Variants in TTN observed in about 807,000 individuals in gnomAD.
The protein encoded by TTN is connectin.
In TTN, 1,525 loss-of-function variants were observed where a neutral mutation model predicts 3,223.0. The observed-to-expected ratio is 0.47, with a 90% confidence interval of 0.45 to 0.49. The LOEUF (loss-of-function observed/expected upper bound fraction) is 0.49. TTN is among the 20% of genes least tolerant of loss of function. TTN has a pLI of 0.00. For missense variants in TTN, 40,786 were observed against 43,424.0 expected (o/e 0.94, Z 5.40); for synonymous variants, 14,094 against 15,161.0 (o/e 0.93, Z 5.17).
chr2:178,570,817 C>G lies in TTN; in HGVS notation c.75315G>C (p.Glu25105Asp). The G allele has an allele frequency of 6.2e-7, 1 of 1,613,480 alleles. No homozygotes were observed. Among genetic ancestry groups the G allele is most frequent in the Non-Finnish European group, 8.5e-7 (1 of 1,179,604 alleles). Residue 25105 changes from glutamate (E) to aspartate (D), a missense_variant, in exon 326 of 363, where the codon GAG becomes GAC. Coordinates refer to ENST00000589042, the MANE Select transcript of TTN (RefSeq NM_001267550.2). Reference sequence around the variant, plus strand: ...CCATACTTATTCGTGGTGGATCTACCTCATCTCTAGCTGTTATTGCTCCTG... The same window carrying G: ...CCATACTTATTCGTGGTGGATCTACGTCATCTCTAGCTGTTATTGCTCCTG... ...ESTGAITARD[E>D]VDPPRISMDP...
Position 178,526,841 on chromosome 2 carries a change from A to T in TTN, c.*171T>A. 1.7e-6 allele frequency: 1 copy of T among 589,296 alleles called. No individual in the cohort carries two copies. The highest frequency in any genetic ancestry group is 2.9e-6 in the Non-Finnish European group (1 of 349,280). The allele number at this position is 589,296 out of a possible 1,614,324, so 36.5% of individuals were successfully genotyped here. ...TCACTAGCAAATGTATTATATTCTT[A>T]GGTCAACAATTATGAAAAGATTGAA... On this transcript the variant is annotated 3_prime_UTR_variant, in exon 363 of 363. Coordinates refer to ENST00000589042, the MANE Select transcript of TTN (RefSeq NM_001267550.2).
rs2093406180 is a variant in TTN, at chr2:178,790,023, T to A, written c.1893A>T (p.Glu631Asp). The stretch of plus-strand genomic sequence containing the variant: ...CTTGTTCTCTTTTGGTAGTAATGCC[T>A]TCTCTACCTCTTGATACTAAATCTT... ...KEQDLVSRGR[E>D]GITTKREQVQ... Residue 631 changes from glutamate (E) to aspartate (D), a missense_variant, in exon 12 of 363, where the codon GAA (glutamate) becomes GAT (aspartate). Glu to Asp is a conservative substitution (Grantham distance 45). Coordinates refer to ENST00000589042, the MANE Select transcript of TTN (RefSeq NM_001267550.2). 1 of 1,613,268 alleles carries A rather than the reference T, an allele frequency of 6.2e-7. No individual in the cohort carries two copies. Among genetic ancestry groups the A allele is most frequent in the Non-Finnish European group, 8.5e-7 (1 of 1,179,474 alleles).
At position 178,532,925 on chromosome 2, in the gene TTN, G is replaced by A; in HGVS notation, c.103690C>T (p.Pro34564Ser). ...TTATACCACTTCATGTCAGACATGG[G>A]CACGAACTGCTTGATGCGTTGGTCT... is the stretch of plus-strand genomic sequence containing the variant. ...EEDQRIKQFV[P>S]MSDMKWYKKI... The change falls in exon 358 of 363, where the codon CCC becomes TCC. Residue 34564 changes from proline to serine, a missense_variant. Pro to Ser is a moderately conservative substitution (Grantham distance 74). Coordinates refer to ENST00000589042, the MANE Select transcript of TTN (RefSeq NM_001267550.2). 1 of 1,613,884 alleles carries A rather than the reference G, an allele frequency of 6.2e-7. No homozygotes were observed. The highest frequency in any genetic ancestry group is 1.1e-5 in the South Asian group (1 of 91,074).
Position 178,769,550 on chromosome 2 carries a change from C to T in TTN, c.8902+129G>A, listed in dbSNP as rs770959318. ...AAGTGCTGGGATTACAGGCTTGAGC[C>T]ACCCTGCCCACCCAATCAAGGATTT... is the stretch of plus-strand genomic sequence containing the variant. On this transcript the variant is annotated intron_variant, in intron 37 of 362. Coordinates refer to ENST00000589042, the MANE Select transcript of TTN (RefSeq NM_001267550.2). 147 of 749,194 alleles carry T rather than the reference C, an allele frequency of 2.0e-4. 2 individuals are homozygous for T. The highest frequency in any genetic ancestry group is 1.4e-4 in the Admixed American group (4 of 27,644). 46.4% of individuals were successfully genotyped at this position (749,194 alleles called of 1,614,324 possible).
chr2:178,571,414 G>A lies in TTN; in HGVS notation c.74718C>T (p.Phe24906=). The A allele has an allele frequency of 1.9e-6, 3 of 1,613,406 alleles. No individual in the cohort carries two copies. The highest frequency in any genetic ancestry group is 2.5e-6 in the Non-Finnish European group (3 of 1,179,580). Residue 24906 remains phenylalanine (F), a synonymous_variant, in exon 326 of 363, where the codon TTC becomes TTT. Transcript: ENST00000589042. ...NSEPTVAQYP[F]KVPGPPGTPV... ...GAGTGCCAGGAGGACCAGGAACTTT[G>A]AATGGATATTGGGCTACAGTAGGCT...
chr2:178,530,558 C>G lies in TTN; in HGVS notation c.106057G>C (p.Asp35353His), dbSNP rs780037060. The stretch of plus-strand genomic sequence containing the variant: ...ATCTCACAAACATATTCTCCTTGAT[C>G]AGATTCAGTGAGGTTATTGATTTTG... ...ELKINNLTES[D>H]QGEYVCEISG... The change falls in exon 358 of 363, where the codon GAT becomes CAT. Residue 35353 changes from aspartate (D) to histidine (H), a missense_variant. Transcript: ENST00000589042. 1 of 1,613,984 alleles carries G rather than the reference C, an allele frequency of 6.2e-7. No individual in the cohort carries two copies. The highest frequency in any genetic ancestry group is 1.1e-5 in the South Asian group (1 of 91,080).
intron 88 of TTN, 122 bp downstream of exon 88, chr2:178,716,973 G>T: frequency 1.8e-6 from 2 of 1,099,220 alleles, no homozygotes; most frequent in Non-Finnish European, 2.5e-6. Context: ...TGATCCACTT[G>T]ATCCATTTTC....
Position 178,784,156 on chromosome 2 carries a change from C to G in TTN, c.2689G>C (p.Glu897Gln), listed in dbSNP as rs556756328. The G allele has an allele frequency of 1.2e-6, 2 of 1,614,150 alleles. No homozygotes were observed. The highest frequency in any genetic ancestry group is 2.2e-5 in the South Asian group (2 of 91,080). The change falls in exon 16 of 363, where the codon GAG (glutamate) becomes CAG (glutamine). Residue 897 changes from glutamate to glutamine, a missense_variant. Glu to Gln is a conservative substitution (Grantham distance 29). Transcript: ENST00000589042. ...PDTYKSEAGVEVKKEVGVSIT... is the reference protein window; with the variant it reads ...PDTYKSEAGVQVKKEVGVSIT... ...CTCACCCCTACTTCCTTTTTCACCT[C>G]AACGCCAGCTTCACTCTTGTAAGTA...
At chr2:178,625,142 T>C in intron 241 of TTN, 131 bp downstream of exon 241, 2 of 1,321,498 alleles carry the variant, frequency 1.5e-6, no homozygotes, top group South Asian at 1.5e-5. Flanking sequence ...TGCTAAAAAG[T>C]AAAATCAGAC....
rs139894068 is a variant in TTN at position 178,532,511 on chromosome 2, G to T, written c.104104C>A (p.His34702Asn). 1 of 1,614,028 alleles carries T rather than the reference G, an allele frequency of 6.2e-7. No individual in the cohort carries two copies. The highest frequency in any genetic ancestry group is 8.5e-7 in the Non-Finnish European group (1 of 1,179,882). Reference sequence around the variant, plus strand: ...TAACGTAGGCTAGAAAGCTCAAAGTGTGGAGGGCTTCGACTTGGGGGTGAA... The same window carrying T: ...TAACGTAGGCTAGAAAGCTCAAAGTTTGGAGGGCTTCGACTTGGGGGTGAA... ...SASPPSRSPPHFELSSLRYSS... is the reference protein window; with the variant it reads ...SASPPSRSPPNFELSSLRYSS... The change falls in exon 358 of 363, where the codon CAC becomes AAC. Residue 34702 changes from histidine (H) to asparagine (N), a missense_variant. Physicochemically the swap from His to Asn is moderately conservative, Grantham distance 68. Coordinates refer to ENST00000589042, the MANE Select transcript of TTN (RefSeq NM_001267550.2).
chr2:178,599,302 T>C lies in TTN; in HGVS notation c.56491A>G (p.Thr18831Ala). 6.2e-7 allele frequency: 1 copy of C among 1,609,186 alleles called. No homozygotes were observed. Among genetic ancestry groups the C allele is most frequent in the Non-Finnish European group, 8.5e-7 (1 of 1,178,138 alleles). The change falls in exon 290 of 363, where the codon ACA becomes GCA. Residue 18831 changes from threonine to alanine, a missense_variant. Thr to Ala is a moderately conservative substitution (Grantham distance 58). Transcript: ENST00000589042. ...GGTTCACTGGAGACATGGACCCATG[T>C]CTTCCTGTTAGCTTCTCTTTTCTCA... ...VIEKREANRK[T>A]WVHVSSEPKE...
rs72648979 is a variant in TTN, at chr2:178,718,527, T to C, written c.24579A>G (p.Thr8193=). 1,856 of 1,613,770 alleles carry C rather than the reference T, an allele frequency of 1.2e-3. 26 individuals carry two copies. The African/African-American group carries it at 0.023, about 20-fold the overall frequency. ...CTGAGATTGGAGGTGTGCCAGTGTA[T>C]GTGGCCTCGAGAACTATGGGGCTTC... ...ETGSPIVLEA[T]YTGTPPISVS... The change falls in exon 85 of 363, where the codon ACA becomes ACG. Residue 8193 remains threonine, a synonymous_variant. Transcript: ENST00000589042.
chr2:178,773,733 A>G lies in TTN; in HGVS notation c.7331-8T>C, dbSNP rs1481205499. The G allele has an allele frequency of 1.2e-6, 2 of 1,613,932 alleles. No individual in the cohort carries two copies. Among genetic ancestry groups the G allele is most frequent in the African/African-American group, 2.7e-5 (2 of 74,912 alleles). On this transcript the variant is annotated splice_region_variant and splice_polypyrimidine_tract_variant and intron_variant, in intron 31 of 362. Transcript: ENST00000589042. ...GTGTTATCACGTCCACACCTGCAAAATCATACACACACAAGATGAATGAAT... is the reference window on the plus strand; with the variant it reads ...GTGTTATCACGTCCACACCTGCAAAGTCATACACACACAAGATGAATGAAT...
rs780268944 is a variant in TTN at position 178,741,617 on chromosome 2, A to G, written c.11616T>C (p.Gly3872=). 3 of 1,613,732 alleles carry G rather than the reference A, an allele frequency of 1.9e-6. No homozygotes were observed. The highest frequency in any genetic ancestry group is 2.5e-6 in the Non-Finnish European group (3 of 1,179,802). Residue 3872 remains glycine, a synonymous_variant, in exon 48 of 363, where the codon GGT becomes GGC. Transcript: ENST00000589042. ...ACAGAATGATCAGGCTATGATCATC[A>G]CCGTCAAAAACAAATTTGTAGTCAG... ...PSADYKFVFD[G]DDHSLIILFT...
In TTN at chr2:178,636,248, A is replaced by T. The variant is rs373636988; in HGVS notation, c.41330-7T>A. ...ACAAAACGCACAGGAAGTTCTATGG[A>T]GAATTTCAGTATATATTTCAATAAA... On this transcript the variant is annotated splice_polypyrimidine_tract_variant and splice_region_variant and intron_variant, in intron 225 of 362. Coordinates refer to ENST00000589042, the MANE Select transcript of TTN (RefSeq NM_001267550.2). This position sits in a 1 kb window ranked among gnomAD's most constrained non-coding sequence, Gnocchi z 4.3. 4.9e-4 allele frequency: 743 copies of T among 1,529,020 alleles called. 2 individuals are homozygous for T. The highest frequency in any genetic ancestry group is 7.0e-4 in the Middle Eastern group (4 of 5,750). The allele number at this position is 1,529,020 out of a possible 1,614,324, so 94.7% of individuals were successfully genotyped here.
At position 178,565,442 on chromosome 2, in the gene TTN, A is replaced by G. The variant is rs754480353; in HGVS notation, c.80690T>C (p.Leu26897Pro). 6 of 1,613,304 alleles carry G rather than the reference A, an allele frequency of 3.7e-6. No individual in the cohort carries two copies. The Admixed American group carries it at 8.3e-5, about 22-fold the overall frequency. The change falls in exon 326 of 363, where the codon CTT (leucine) becomes CCT (proline). Residue 26897 changes from leucine to proline, a missense_variant. Transcript: ENST00000589042. ...GCCTATAACTGGAATTTCTATTTTA[A>G]GATCTTCTCCAGCTTGGATACTATA... ...NTYSIQAGED[L>P]KIEIPVIGRP...
rs1476567049 is a variant in TTN at position 178,650,377 on chromosome 2, A to G, written c.39710-106T>C. ...AATCTTGATTTCTTCCTTTGTTTCA[A>G]TTGATACCTTCTCTTATTTTTGTTT... On this transcript the variant is annotated intron_variant, in intron 209 of 362. Transcript: ENST00000589042. The G allele has an allele frequency of 1.7e-5, 18 of 1,061,218 alleles. No individual in the cohort carries two copies. The Admixed American group carries it at 3.5e-4, about 21-fold the overall frequency. 65.7% of individuals were successfully genotyped at this position (1,061,218 alleles called of 1,614,324 possible). A position where few individuals can be genotyped will look rare whatever the true frequency, so the allele number is the denominator to read the frequency against.
At position 178,681,080 on chromosome 2, in the gene TTN, T is replaced by A; in HGVS notation, c.33339A>T (p.Lys11113Asn). The change falls in exon 138 of 363, where the codon AAA becomes AAT. Residue 11113 changes from lysine to asparagine, a missense_variant and splice_region_variant. Transcript: ENST00000589042. ...EKEQVTEPAA[K>N]VPMKPKRVVA... ...AATCGAGGAAGGAAATCATTATACC[T>A]TTAGCAGCGGGTTCAGTCACCTGCT... 1 of 1,600,014 alleles carries A rather than the reference T, an allele frequency of 6.2e-7. No individual in the cohort carries two copies. The highest frequency in any genetic ancestry group is 1.8e-5 in the Admixed American group (1 of 56,678).
At chr2:178,771,938 T>A (rs1163679161) in intron 33 of TTN, among the ~76,000 whole-genome samples, 1 of 152,210 alleles carries the variant, frequency 6.6e-6, no homozygotes, top group Non-Finnish European at 1.5e-5. Flanking sequence ...ATGTCGCCCA[T>A]TCTATGAAGT....
Sources: gnomAD v4.1 joint callset for allele counts (sites outside exome capture counted in the v4.1 genomes callset) on GRCh38, gnomAD v4.1.1 for gene constraint, Gnocchi (gnomAD v3.1) non-coding constraint, MANE v1.5 for transcripts, NCBI Gene and HGNC (gene_info 2026-07-23, HGNC 2026-07-21) for gene names.